The following RGS6 variants were observed in gnomAD, a reference collection of about 807,000 sequenced individuals.
RGS6 encodes regulator of G protein signaling 6, also known as regulator of G-protein signaling 6.
A neutral mutation model predicts 78.5 loss-of-function variants in RGS6; 30 were observed. The ratio of observed to expected loss-of-function variants is 0.38; its 90% CI spans 0.29 to 0.52. RGS6 has a LOEUF of 0.52. Among genes scored for constraint, RGS6 ranks in the 20% least tolerant of loss-of-function variants. The probability of loss-of-function intolerance (pLI) is 0.85; values close to 1 mark genes in which losing one functional copy is unlikely to be tolerated. For missense variants in RGS6, 495 were observed against 609.7 expected, an observed-to-expected ratio of 0.81 and a Z score of 1.98; for synonymous variants, 206 against 206.0, an observed-to-expected ratio of 1.00 and a Z score of 0.00.
At chr14:72,354,307 T>G (rs1205116488) in intron 3 of RGS6, among the ~76,000 whole-genome samples, 1 of 152,006 alleles carries the variant, frequency 6.6e-6, no homozygotes, top group East Asian at 1.9e-4. Flanking sequence ...TGACTTCTTC[T>G]TGTATCCTTG....
intron 2 of RGS6, among the ~76,000 whole-genome samples, chr14:72,158,496 T>A (rs528053413): frequency 2.6e-5 from 4 of 152,114 alleles, no homozygotes; most frequent in Non-Finnish European, 5.9e-5. Context: ...TTGAAGACTT[T>A]CTCTTTTGGG....
chr14:72,438,572 A>C (rs980167141), intron 3 of RGS6, among the ~76,000 whole-genome samples: 5 of 152,118 alleles, frequency 3.3e-5, no homozygotes, highest in African/African-American at 4.8e-5. Context: ...ACCTGGAGTC[A>C]CTCGAGACTC....
intron 2 of RGS6, among the ~76,000 whole-genome samples, chr14:72,021,564 G>A (rs2088554212): frequency 6.7e-6 from 1 of 149,078 alleles, no homozygotes; most frequent in South Asian, 2.1e-4. Flanking sequence ...TGCCTCCTAG[G>A]TTCAAGCAAT....
chr14:72,084,699 C>G (rs1220707614), intron 2 of RGS6, among the ~76,000 whole-genome samples: 1 of 151,672 alleles, frequency 6.6e-6, no homozygotes, highest in Admixed American at 6.6e-5. Flanking sequence ...GGTGAAATCT[C>G]TCAGGCCTGC....
intron 2 of RGS6, among the ~76,000 whole-genome samples, chr14:72,029,564 T>G (rs1449804704): frequency 6.6e-6 from 1 of 152,212 alleles, no homozygotes. Context: ...ATAAGTACTT[T>G]CCTTTGCTGC....
chr14:72,583,468 C>T, the RGS6 span, among the ~76,000 whole-genome samples: 13 of 152,302 alleles, frequency 8.5e-5, no homozygotes, highest in Admixed American at 5.2e-4. Context: ...TCAATATGTA[C>T]TTTGGGCTGG....
intron 2 of RGS6, among the ~76,000 whole-genome samples, chr14:72,282,647 T>C (rs2061774211): frequency 6.6e-6 from 1 of 152,226 alleles, no homozygotes; most frequent in Non-Finnish European, 1.5e-5. Flanking sequence ...ATATTTCATG[T>C]GTACATTTTG....
In RGS6 at chr14:72,442,390, C is replaced by G. The variant is rs115201946; in HGVS notation, c.185-12138C>G. The stretch of plus-strand genomic sequence containing the variant: ...CTCAATCAATCTCTTTTCACTGTTT[C>G]CCATTGATCCCAAGTGTGTCCTCTG... On this transcript the variant is annotated intron_variant, in intron 3 of 17. Coordinates refer to ENST00000553525, the MANE Select transcript of RGS6 (RefSeq NM_001204424.2). Among the ~76,000 whole-genome samples, 561 of 152,174 alleles carry G rather than the reference C, an allele frequency of 3.7e-3. 3 individuals are homozygous for G. The highest frequency in any genetic ancestry group is 0.013 in the African/African-American group (538 of 41,508).
At chr14:72,273,961 G>A (rs1342833482) in intron 2 of RGS6, among the ~76,000 whole-genome samples, 1 of 152,200 alleles carries the variant, frequency 6.6e-6, no homozygotes, top group Admixed American at 6.5e-5. Context: ...GGTGTGTAGA[G>A]TGATTTAGAA....
chr14:72,055,071 A>T lies in RGS6; in HGVS notation c.84+90196A>T, dbSNP rs149902507. 4.5e-3 allele frequency among the ~76,000 whole-genome samples: 690 copies of T among 152,312 alleles called. 5 individuals are homozygous for T. Among genetic ancestry groups the T allele is most frequent in the African/African-American group, 0.016 (647 of 41,556 alleles). ...GGTGTTTCCTGTTTTTGTATCTATG[A>T]GCAGAGCTGTTAGTAAGCATTTGCG... On this transcript the variant is annotated intron_variant, in intron 2 of 17. Transcript: ENST00000553525.
chr14:72,475,578 A>G lies in RGS6; in HGVS notation c.693+879A>G, dbSNP rs541573329. On this transcript the variant is annotated intron_variant, in intron 10 of 17. Transcript: ENST00000553525. ...AACCCCGTCTCTACTAAAAATACAC[A>G]ATTAGCTGGGCACAGTGGTGCATAC... Among the ~76,000 whole-genome samples, 7 of 152,174 alleles carry G rather than the reference A, an allele frequency of 4.6e-5. No individual in the cohort carries two copies. In the South Asian group the frequency reaches 1.2e-3, roughly 27 times the overall value.
At chr14:72,521,376 A>G (rs2097037062) in intron 15 of RGS6, among the ~76,000 whole-genome samples, 1 of 152,242 alleles carries the variant, frequency 6.6e-6, no homozygotes, top group African/African-American at 2.4e-5. Context: ...TTAGTCAACC[A>G]GTCCTCTCTT....
intron 2 of RGS6, among the ~76,000 whole-genome samples, chr14:72,065,925 C>T (rs1346560442): frequency 8.7e-5 from 13 of 149,062 alleles, no homozygotes; most frequent in African/African-American, 3.0e-4. Flanking sequence ...CTCCCCCCCT[C>T]CCCCCAGCCC....
chr14:72,225,090 C>T (rs1241021238), intron 2 of RGS6, among the ~76,000 whole-genome samples: 1 of 152,176 alleles, frequency 6.6e-6, no homozygotes, highest in Non-Finnish European at 1.5e-5. Flanking sequence ...GCAAAAGAGC[C>T]ATAACTGAAG....
intron 17 of RGS6, among the ~76,000 whole-genome samples, chr14:72,555,278 T>A (rs1401351690): frequency 2.0e-5 from 3 of 152,188 alleles, no homozygotes; most frequent in Non-Finnish European, 4.4e-5. Flanking sequence ...TCACCCAGCC[T>A]GTCCAGCAGC....
intron 2 of RGS6, among the ~76,000 whole-genome samples, chr14:72,256,445 T>A (rs2108468): frequency 0.15 from 22,730 of 152,184 alleles, 2,645 homozygotes; most frequent in African/African-American, 0.33. Flanking sequence ...TTACCAATCA[T>A]GTGACCTCTG....
intron 2 of RGS6, among the ~76,000 whole-genome samples, chr14:72,154,499 C>T (rs1461418098): frequency 6.6e-6 from 1 of 150,748 alleles, no homozygotes; most frequent in African/African-American, 2.4e-5. Flanking sequence ...CCAGCCAGTC[C>T]CTCTGTTTGG....
At chr14:72,604,839 G>C in the RGS6 span, among the ~76,000 whole-genome samples, 2 of 152,210 alleles carry the variant, frequency 1.3e-5, no homozygotes, top group African/African-American at 4.8e-5. Context: ...GGGTTGGAGA[G>C]CGTTTCATAT....
the RGS6 span, among the ~76,000 whole-genome samples, chr14:71,921,121 A>T: frequency 2.0e-5 from 3 of 152,346 alleles, no homozygotes; most frequent in Admixed American, 6.5e-5. Flanking sequence ...ATCACTAATC[A>T]TCAGAGAAAT....
Sources: allele counts gnomAD v4.1 joint callset (sites outside exome capture counted in the v4.1 genomes callset), GRCh38; gene constraint gnomAD v4.1.1; transcripts MANE v1.5; gene names NCBI Gene and HGNC (gene_info 2026-07-23, HGNC 2026-07-21).